The following MED13L variants were observed in gnomAD, a reference collection of about 807,000 sequenced individuals.
The protein encoded by MED13L is mediator of RNA polymerase II transcription subunit 13-like.
Under a neutral mutation model 220.9 loss-of-function variants are expected in MED13L, and 7 were observed. The observed-to-expected ratio is 0.03, with a 90% CI of 0.02 to 0.06. MED13L has a LOEUF of 0.06. Ranked by LOEUF, MED13L falls within the 10% of genes least tolerant of loss-of-function variation. The pLI is 1.00. For synonymous variants in MED13L, 1,011 were observed against 1,015.2 expected (o/e 1.00, Z 0.08); for missense variants, 1,965 against 2,760.5 (o/e 0.71, Z 6.46).
At chr12:116,037,691 T>C (rs1035742282) in intron 4 of MED13L, among the ~76,000 whole-genome samples, 1 of 152,086 alleles carries the variant, frequency 6.6e-6, no homozygotes, top group African/African-American at 2.4e-5. Context: ...AGCACCGTAG[T>C]GGTATCAGAG....
intron 2 of MED13L, among the ~76,000 whole-genome samples, chr12:116,229,010 C>T (rs1334291472): frequency 6.6e-6 from 1 of 152,098 alleles, no homozygotes; most frequent in African/African-American, 2.4e-5. Context: ...GTTCTGGGCT[C>T]AAGCGATCCT....
intron 2 of MED13L, among the ~76,000 whole-genome samples, chr12:116,207,216 G>A (rs910891079): frequency 1.3e-5 from 2 of 151,854 alleles, no homozygotes; most frequent in South Asian, 2.1e-4. Context: ...GCCCAAACTG[G>A]TCTCAAACTC....
At chr12:115,978,638 A>G (rs1877121560) in intron 23 of MED13L, among the ~76,000 whole-genome samples, 3 of 152,136 alleles carry the variant, frequency 2.0e-5, no homozygotes, top group South Asian at 4.1e-4. Flanking sequence ...GAACTGTAAA[A>G]TTTTTAAAAA....
chr12:116,143,868 C>T (rs941630122), intron 2 of MED13L, among the ~76,000 whole-genome samples: 1 of 152,142 alleles, frequency 6.6e-6, no homozygotes, highest in Non-Finnish European at 1.5e-5. Flanking sequence ...TATACAAAAA[C>T]TATTTCCAAG....
chr12:116,240,127 TTC>T (rs1310995136), intron 1 of MED13L, among the ~76,000 whole-genome samples: 5 of 152,170 alleles, frequency 3.3e-5, no homozygotes, highest in Non-Finnish European at 4.4e-5. Flanking sequence ...CTTTTTTTTT[TTC>T]TGAGATGGAG....
chr12:116,006,426 C>T lies in MED13L; in HGVS notation c.2239-15G>A, dbSNP rs776591321. On this transcript the variant is annotated splice_polypyrimidine_tract_variant and intron_variant, in intron 11 of 30. Coordinates refer to ENST00000281928, the MANE Select transcript of MED13L (RefSeq NM_015335.5). Reference sequence around the variant, plus strand: ...CCATCCTCTGACTGTATAATAAATTCAGCCAAACAAAACACATGAACACCA... The same window carrying T: ...CCATCCTCTGACTGTATAATAAATTTAGCCAAACAAAACACATGAACACCA... 2.5e-6 allele frequency: 4 copies of T among 1,607,216 alleles called. No homozygotes were observed. Among genetic ancestry groups the T allele is most frequent in the Non-Finnish European group, 3.4e-6 (4 of 1,173,792 alleles).
At chr12:116,020,832 C>T (rs1489882385) in intron 5 of MED13L, among the ~76,000 whole-genome samples, 1 of 152,092 alleles carries the variant, frequency 6.6e-6, no homozygotes, top group Non-Finnish European at 1.5e-5. Flanking sequence ...TTTCTTAATT[C>T]TAATTTTTAA....
chr12:116,210,820 T>G (rs541522802), intron 2 of MED13L, among the ~76,000 whole-genome samples: 2 of 151,852 alleles, frequency 1.3e-5, no homozygotes, highest in Non-Finnish European at 2.9e-5. Context: ...TAAACTGGTA[T>G]GATAATGAAT....
chr12:116,078,992 T>C (rs1871026742), intron 4 of MED13L, among the ~76,000 whole-genome samples: 1 of 152,196 alleles, frequency 6.6e-6, no homozygotes, highest in Non-Finnish European at 1.5e-5. Context: ...ACAGTGGAGT[T>C]TTCCAGAGGC....
At chr12:116,193,042 C>T (rs987909480) in intron 2 of MED13L, among the ~76,000 whole-genome samples, 4 of 152,190 alleles carry the variant, frequency 2.6e-5, no homozygotes, top group Admixed American at 6.5e-5. Flanking sequence ...AGAGGAAAAT[C>T]GCCTGAACTG....
Position 116,277,679 on chromosome 12 carries a change from T to A in MED13L, c.-548A>T, listed in dbSNP as rs1280813288. Among the ~76,000 whole-genome samples the A allele has an allele frequency of 6.7e-6, 1 of 149,648 alleles. No individual in the cohort carries two copies. The highest frequency in any genetic ancestry group is 2.1e-4 in the South Asian group (1 of 4,818). ...CTTCTCCTCCCTCCCCGGGCTCGCT[T>A]GCTCTGACAGCAATGGCGGCCGCCG... On this transcript the variant is annotated 5_prime_UTR_variant, in exon 1 of 31. Transcript: ENST00000281928.
chr12:116,229,058 T>G (rs939491488), intron 2 of MED13L, among the ~76,000 whole-genome samples: 2 of 152,158 alleles, frequency 1.3e-5, no homozygotes, highest in African/African-American at 4.8e-5. Context: ...ATTACAGGCA[T>G]GAGCCATCAC....
chr12:116,210,909 C>A (rs1363832088), intron 2 of MED13L, among the ~76,000 whole-genome samples: 1 of 152,102 alleles, frequency 6.6e-6, no homozygotes, highest in African/African-American at 2.4e-5. Flanking sequence ...CTGAAAAGCA[C>A]TCTCATGGTT....
At chr12:115,969,217 A>T (rs1473456514) in intron 27 of MED13L, 120 bp from the exon 28 acceptor site, 1 of 1,078,208 alleles carries the variant, frequency 9.3e-7, no homozygotes, top group Admixed American at 2.0e-5. Flanking sequence ...ATGGACACAC[A>T]CTGTTAATAA....
At position 115,984,202 on chromosome 12, in the gene MED13L, C is replaced by A. The variant is rs544089602; in HGVS notation, c.4509G>T (p.Ala1503=). 3.1e-5 allele frequency: 50 copies of A among 1,613,864 alleles called. No homozygotes were observed. In the South Asian group the frequency reaches 4.2e-4, roughly 13 times the overall value. Residue 1503 remains alanine, a synonymous_variant, in exon 20 of 31, where the codon GCG becomes GCT. Transcript: ENST00000281928. The part of the protein sequence containing the change: ...NDNHSRLKLY[A]QVCRHHLAPY... ...TACCTAGGTGATGGCGGCAAACTTGCGCATAAAGTTTGAGTCTGGAATGAT... is the reference window on the plus strand; with the variant it reads ...TACCTAGGTGATGGCGGCAAACTTGAGCATAAAGTTTGAGTCTGGAATGAT...
At chr12:116,140,449 CAGTGA>C (rs1876968868) in intron 2 of MED13L, among the ~76,000 whole-genome samples, 1 of 152,138 alleles carries the variant, frequency 6.6e-6, no homozygotes, top group South Asian at 2.1e-4. Context: ...TCTAGTTACA[CAGTGA>C]CAAATGAGGA....
At chr12:116,265,118 C>A (rs539551090) in intron 1 of MED13L, among the ~76,000 whole-genome samples, 1 of 152,306 alleles carries the variant, frequency 6.6e-6, no homozygotes, top group Non-Finnish European at 1.5e-5. Flanking sequence ...TACCAAGCTG[C>A]CCAAATAGCA....
chr12:116,209,024 T>C (rs528622061), intron 2 of MED13L, among the ~76,000 whole-genome samples: 1 of 152,258 alleles, frequency 6.6e-6, no homozygotes, highest in African/African-American at 2.4e-5. Flanking sequence ...TACTATCTGA[T>C]TCAAAGTATG....
At chr12:116,010,436 C>A (rs1264302076) in intron 9 of MED13L, among the ~76,000 whole-genome samples, 1 of 152,050 alleles carries the variant, frequency 6.6e-6, no homozygotes, top group Non-Finnish European at 1.5e-5. Context: ...CTTTATGATA[C>A]CCTCTTCAAA....
Sources: allele counts gnomAD v4.1 joint callset (sites outside exome capture counted in the v4.1 genomes callset), GRCh38; gene constraint gnomAD v4.1.1; transcripts MANE v1.5; gene names NCBI Gene and HGNC (gene_info 2026-07-23, HGNC 2026-07-21).